KRT33A: variants seen among roughly 807,000 people sequenced by gnomAD.
KRT33A encodes the protein keratin, type I cuticular Ha3-I.
Under a neutral mutation model 41.1 loss-of-function variants are expected in KRT33A, and 44 were observed. That is an observed-to-expected ratio of 1.07 (90% CI 0.84 to 1.38). The LOEUF (loss-of-function observed/expected upper bound fraction) is 1.38. Among genes scored for constraint, KRT33A ranks in the 40% most tolerant of loss-of-function variants. KRT33A has a pLI of 0.00. For missense variants in KRT33A, 536 were observed against 518.5 expected (o/e 1.03, Z -0.33); for synonymous variants, 229 against 227.8 (o/e 1.01, Z -0.05).
intron 2 of KRT33A, among the ~76,000 whole-genome samples, chr17:41,348,920 G>A (rs946875777): frequency 2.3e-4 from 35 of 152,100 alleles, no homozygotes; most frequent in African/African-American, 8.5e-4. Context: ...ACTGAGCTAT[G>A]ATTGCACCAC....
chr17:41,348,704 G>C (rs1234896767), intron 2 of KRT33A, 65 bp from the exon 3 acceptor site: 35 of 1,565,606 alleles, frequency 2.2e-5, no homozygotes, highest in Non-Finnish European at 2.9e-5. Flanking sequence ...CTCTGCTTTG[G>C]TTTGGTTAGT....
chr17:41,349,558 G>A (rs966623724), intron 1 of KRT33A, 130 bp from the exon 2 acceptor site: 5 of 790,178 alleles, frequency 6.3e-6, no homozygotes, highest in Non-Finnish European at 1.0e-5. Context: ...TATACAGCAG[G>A]TACTCAATGA....
At chr17:41,350,003 C>T (rs1473461015) in intron 1 of KRT33A, among the ~76,000 whole-genome samples, 1 of 152,100 alleles carries the variant, frequency 6.6e-6, no homozygotes, top group African/African-American at 2.4e-5. Flanking sequence ...TAAGTAGGAA[C>T]CTAGAAGAGA....
rs138115692 is a variant in KRT33A at position 41,350,683 on chromosome 17, A to C, written c.85T>G (p.Cys29Gly). The C allele has an allele frequency of 6.8e-6, 11 of 1,612,006 alleles. No individual in the cohort carries two copies. The highest frequency in any genetic ancestry group is 8.5e-6 in the Non-Finnish European group (10 of 1,179,976). The part of the protein sequence containing the change: ...RPCVPPSCHG[C>G]TLPGACNIPA... ...ATGTTGCAGGCCCCGGGCAGGGTGC[A>C]GCCGTGGCAGCTGGGGGGCACACAG... The change falls in exon 1 of 7, where the codon TGC becomes GGC. Residue 29 changes from cysteine (C) to glycine (G), a missense_variant. Cys to Gly is a radical substitution (Grantham distance 159). Coordinates refer to ENST00000007735, the MANE Select transcript of KRT33A (RefSeq NM_004138.4).
rs201762875 is a variant in KRT33A at position 41,346,161 on chromosome 17, G to A, written c.1173C>T (p.Gly391=). 2 of 1,614,172 alleles carry A rather than the reference G, an allele frequency of 1.2e-6. No homozygotes were observed. The highest frequency in any genetic ancestry group is 8.5e-7 in the Non-Finnish European group (1 of 1,180,020). The part of the protein sequence containing the change: ...STGPCISNPC[G]LRARCGPCNT... Reference sequence around the variant, plus strand: ...TGCAAGGCCCACACCGAGCACGTAGGCCACAGGGATTAGAGATACAGGGCC... The same window carrying A: ...TGCAAGGCCCACACCGAGCACGTAGACCACAGGGATTAGAGATACAGGGCC... Residue 391 remains glycine, a synonymous_variant, in exon 7 of 7, where the codon GGC becomes GGT. Coordinates refer to ENST00000007735, the MANE Select transcript of KRT33A (RefSeq NM_004138.4).
At position 41,346,613 on chromosome 17, in the gene KRT33A, A is replaced by G. The variant is rs2017423264; in HGVS notation, c.932T>C (p.Leu311Pro). 1.2e-6 allele frequency: 2 copies of G among 1,614,248 alleles called. No individual in the cohort carries two copies. Among genetic ancestry groups the G allele is most frequent in the Non-Finnish European group, 1.7e-6 (2 of 1,180,042 alleles). The stretch of plus-strand genomic sequence containing the variant: ...GGTGATCAGTCTCTGCACCTGGGAC[A>G]GCTGGGAGCTGTAGCGGGCCTCGCT... ...TESEARYSSQ[L>P]SQVQRLITNV... The change falls in exon 6 of 7, where the codon CTG becomes CCG. Residue 311 changes from leucine (L) to proline (P), a missense_variant. Coordinates refer to ENST00000007735, the MANE Select transcript of KRT33A (RefSeq NM_004138.4).
rs750904301 is a variant in KRT33A at position 41,347,069 on chromosome 17, C to A, written c.742G>T (p.Ala248Ser). The A allele has an allele frequency of 6.2e-7, 1 of 1,613,262 alleles. No homozygotes were observed. Among genetic ancestry groups the A allele is most frequent in the Non-Finnish European group, 8.5e-7 (1 of 1,179,508 alleles). The part of the protein sequence containing the change: ...TNRREVEQWF[A>S]TQTEELNKQV... Reference sequence around the variant, plus strand: ...CGTGCTTAGATGCCCACCTGCGTGGCGAACCATTGCTCCACTTCCCTGCGG... The same window carrying A: ...CGTGCTTAGATGCCCACCTGCGTGGAGAACCATTGCTCCACTTCCCTGCGG... Residue 248 changes from alanine to serine, a missense_variant, in exon 4 of 7, where the codon GCC becomes TCC. Physicochemically the swap from Ala to Ser is moderately conservative, Grantham distance 99. Transcript: ENST00000007735.
rs771964224 is a variant in KRT33A, at chr17:41,347,055, G to A, written c.750+6C>T. The A allele has an allele frequency of 1.2e-6, 2 of 1,613,006 alleles. No individual in the cohort carries two copies. Among genetic ancestry groups the A allele is most frequent in the South Asian group, 2.2e-5 (2 of 90,974 alleles). ...GTCCTGAGTGGCCACGTGCTTAGAT[G>A]CCCACCTGCGTGGCGAACCATTGCT... On this transcript the variant is annotated splice_donor_region_variant and intron_variant, in intron 4 of 6. Transcript: ENST00000007735.
rs766380064 is a variant in KRT33A, at chr17:41,346,923, T to C, written c.797A>G (p.Gln266Arg). ...KQVVSSSEQLQSYQAEIIELR... is the reference protein window; with the variant it reads ...KQVVSSSEQLRSYQAEIIELR... The stretch of plus-strand genomic sequence containing the variant: ...CTCGATGATCTCCGCCTGGTAGGAC[T>C]GCAGCTGCTCCGAGCTGGATACCAC... Residue 266 changes from glutamine to arginine, a missense_variant, in exon 5 of 7, where the codon CAG becomes CGG. By Grantham distance (43) the Gln-to-Arg change is conservative. Transcript: ENST00000007735. 1 of 1,613,384 alleles carries C rather than the reference T, an allele frequency of 6.2e-7. No homozygotes were observed. Among genetic ancestry groups the C allele is most frequent in the South Asian group, 1.1e-5 (1 of 91,040 alleles).
At chr17:41,346,784 T>C in intron 5 of KRT33A, 60 bp downstream of exon 5, 1 of 1,608,752 alleles carries the variant, frequency 6.2e-7, no homozygotes, top group Middle Eastern at 2.0e-4. Context: ...CCCAAGGGCA[T>C]CCCCAAGACT....
rs761788038 is a variant in KRT33A, at chr17:41,347,045, G to A, written c.750+16C>T. On this transcript the variant is annotated intron_variant, in intron 4 of 6. Transcript: ENST00000007735. ...GGGGCCTCGGGTCCTGAGTGGCCAC[G>A]TGCTTAGATGCCCACCTGCGTGGCG... The A allele has an allele frequency of 4.3e-6, 7 of 1,612,434 alleles. No individual in the cohort carries two copies. The highest frequency in any genetic ancestry group is 1.1e-5 in the South Asian group (1 of 90,948).
In KRT33A at chr17:41,350,601, T is replaced by C; in HGVS notation, c.167A>G (p.Glu56Gly). 6.2e-7 allele frequency: 1 copy of C among 1,613,254 alleles called. No homozygotes were observed. The highest frequency in any genetic ancestry group is 8.5e-7 in the Non-Finnish European group (1 of 1,180,036). Residue 56 changes from glutamate (E) to glycine (G), a missense_variant, in exon 1 of 7, where the codon GAG (glutamate) becomes GGG (glycine). By Grantham distance (98) the Glu-to-Gly change is moderately conservative. Coordinates refer to ENST00000007735, the MANE Select transcript of KRT33A (RefSeq NM_004138.4). ...GTTCAGGAACTGCATGGTCTCCTTCTCACTGCCATTGAAGGAGCCCTCACA... is the reference window on the plus strand; with the variant it reads ...GTTCAGGAACTGCATGGTCTCCTTCCCACTGCCATTGAAGGAGCCCTCACA... ...WFCEGSFNGS[E>G]KETMQFLNDR...
intron 1 of KRT33A, among the ~76,000 whole-genome samples, chr17:41,349,651 G>A (rs2017476721): frequency 1.3e-5 from 2 of 151,908 alleles, no homozygotes; most frequent in South Asian, 2.1e-4. Context: ...ATCCTAATGA[G>A]CAATACTGAG....
At chr17:41,349,007 C>T (rs1277221209) in intron 2 of KRT33A, among the ~76,000 whole-genome samples, 1 of 152,154 alleles carries the variant, frequency 6.6e-6, no homozygotes, top group Admixed American at 6.5e-5. Context: ...AGGATAAAAG[C>T]TGACAAACTG....
chr17:41,350,407 G>A lies in KRT33A; in HGVS notation c.348+13C>T, dbSNP rs16966713. The A allele has an allele frequency of 0.17, 275,497 of 1,610,596 alleles. 25,092 individuals carry two copies. Among genetic ancestry groups the A allele is most frequent in the East Asian group, 0.3 (13,505 of 44,752 alleles). On this transcript the variant is annotated intron_variant, in intron 1 of 6. Coordinates refer to ENST00000007735, the MANE Select transcript of KRT33A (RefSeq NM_004138.4). ...AACTTCCTACTGGAGGCACTGTGTC[G>A]CCCACTCCTCACCTTCTGCTGGAGC...
In KRT33A at chr17:41,347,171, C is replaced by G. The variant is rs202048068; in HGVS notation, c.640G>C (p.Asp214His). 92 of 1,614,138 alleles carry G rather than the reference C, an allele frequency of 5.7e-5. No homozygotes were observed. The East Asian group carries it at 2.1e-3, about 36-fold the overall frequency. ...TTCAGGTCCACAGTGGGAGCAGCGT[C>G]CACCTCCACGTTGAGGCGGTCTCCA... Reference protein sequence around the residue: ...QLGDRLNVEVDAAPTVDLNQV... With the variant: ...QLGDRLNVEVHAAPTVDLNQV... Residue 214 changes from aspartate to histidine, a missense_variant, in exon 4 of 7, where the codon GAC (aspartate) becomes CAC (histidine). Asp to His is a moderately conservative substitution (Grantham distance 81). Coordinates refer to ENST00000007735, the MANE Select transcript of KRT33A (RefSeq NM_004138.4).
intron 3 of KRT33A, among the ~76,000 whole-genome samples, chr17:41,348,097 T>C (rs145062017): frequency 2.6e-5 from 4 of 152,346 alleles, no homozygotes; most frequent in East Asian, 1.9e-4. Flanking sequence ...ACGAAGAGAA[T>C]TGCATTTTGT....
intron 3 of KRT33A, 126 bp from the exon 4 acceptor site, chr17:41,347,348 T>A: frequency 1.7e-6 from 2 of 1,146,762 alleles, no homozygotes; most frequent in Non-Finnish European, 1.2e-6. Flanking sequence ...ATCCTGTCAC[T>A]AACCAGGATC....
rs779612307 is a variant in KRT33A, at chr17:41,347,070, G to A, written c.741C>T (p.Phe247=). ...GTGCTTAGATGCCCACCTGCGTGGC[G>A]AACCATTGCTCCACTTCCCTGCGGT... ...ETNRREVEQW[F]ATQTEELNKQ... The change falls in exon 4 of 7, where the codon TTC becomes TTT. Residue 247 remains phenylalanine, a synonymous_variant. Transcript: ENST00000007735. The A allele has an allele frequency of 1.1e-5, 17 of 1,613,448 alleles. No homozygotes were observed. The highest frequency in any genetic ancestry group is 8.0e-5 in the African/African-American group (6 of 74,910).
Sources: gnomAD v4.1 joint callset for allele counts (sites outside exome capture counted in the v4.1 genomes callset) on GRCh38, gnomAD v4.1.1 for gene constraint, MANE v1.5 for transcripts, NCBI Gene and HGNC (gene_info 2026-07-23, HGNC 2026-07-21) for gene names.